The following MED12L variants were observed in gnomAD, a reference collection of about 807,000 sequenced individuals.
MED12L encodes the protein mediator complex subunit 12L, also known as mediator of RNA polymerase II transcription subunit 12-like protein.
MED12L carries 60 observed loss-of-function variants against 281.3 expected under a neutral mutation model. The observed-to-expected ratio is 0.21, with a 90% CI of 0.17 to 0.26. The LOEUF is 0.26. Ranked by LOEUF, MED12L falls within the 10% of genes least tolerant of loss-of-function variation. The pLI is 1.00. For missense variants in MED12L, 2,146 were observed against 2,680.9 expected, an observed-to-expected ratio of 0.80 and a Z score of 4.41; for synonymous variants, 974 against 987.2, an observed-to-expected ratio of 0.99 and a Z score of 0.25.
At chr3:151,212,487 T>TC (rs1189672685) in intron 16 of MED12L, 2 of 152,208 alleles carry the variant, frequency 1.3e-5, no homozygotes, top group Non-Finnish European at 2.9e-5. Context: ...TGTGTCTTTT[T>TC]CCCAGTCATC....
At chr3:151,118,103 A>G (rs2148748750) in intron 3 of MED12L, among the ~76,000 whole-genome samples, 1 of 151,942 alleles carries the variant, frequency 6.6e-6, no homozygotes, top group South Asian at 2.1e-4. Context: ...AAAAAAAAAA[A>G]AAAAGGAATG....
chr3:151,317,779 G>C (rs867155406), intron 16 of MED12L, among the ~76,000 whole-genome samples: 17 of 151,680 alleles, frequency 1.1e-4, no homozygotes, highest in African/African-American at 4.1e-4. Flanking sequence ...TAATTTTCTT[G>C]CTTTCAGATG....
At chr3:151,193,965 CTTTTTTTTT>C (rs34461662) in intron 16 of MED12L, among the ~76,000 whole-genome samples, 1 of 123,510 alleles carries the variant, frequency 8.1e-6, no homozygotes, top group Non-Finnish European at 1.6e-5. Flanking sequence ...TTTTTCTTTT[CTTTTTTTTT>C]TTTTTTTTGA....
Position 151,430,191 on chromosome 3 carries a change from G to A in MED12L, c.6409-108G>A, listed in dbSNP as rs113777357. 2.7e-6 allele frequency: 4 copies of A among 1,481,574 alleles called. No homozygotes were observed. In the African/African-American group the frequency reaches 5.6e-5, roughly 21 times the overall value. 91.8% of individuals were successfully genotyped at this position (1,481,574 alleles called of 1,614,324 possible). On this transcript the variant is annotated intron_variant, in intron 43 of 44. Coordinates refer to ENST00000687756, the MANE Select transcript of MED12L (RefSeq NM_001393769.1). ...ACAGTTGTCATAGCCCTTTTTTCGT[G>A]AAGTGTTGAGAAGTACCTTACAGAC...
rs938170180 is a variant in MED12L, at chr3:151,165,330, A to T, written c.1258-90A>T. On this transcript the variant is annotated intron_variant, in intron 9 of 44. Coordinates refer to ENST00000687756, the MANE Select transcript of MED12L (RefSeq NM_001393769.1). The stretch of plus-strand genomic sequence containing the variant: ...AGTCAAGATTGTAGTTCACTATAGG[A>T]TACTTTACTCACGTGGAAAAACCTG... The T allele has an allele frequency of 2.9e-5, 27 of 931,748 alleles. No individual in the cohort carries two copies. In the African/African-American group the frequency reaches 3.6e-4, roughly 12 times the overall value. 57.7% of individuals were successfully genotyped at this position (931,748 alleles called of 1,614,324 possible). A position where few individuals can be genotyped will look rare whatever the true frequency, so the allele number is the denominator to read the frequency against.
At chr3:151,349,548 C>T (rs1752968273) in intron 16 of MED12L, among the ~76,000 whole-genome samples, 1 of 152,092 alleles carries the variant, frequency 6.6e-6, no homozygotes, top group African/African-American at 2.4e-5. Context: ...CCTCCCAAAG[C>T]ACTGGGATTA....
In MED12L at chr3:151,127,836, T is replaced by A; in HGVS notation, c.408T>A (p.Leu136=). 1 of 1,606,302 alleles carries A rather than the reference T, an allele frequency of 6.2e-7. No individual in the cohort carries two copies. The highest frequency in any genetic ancestry group is 8.5e-7 in the Non-Finnish European group (1 of 1,173,274). Residue 136 remains leucine (L), a synonymous_variant, in exon 5 of 45, where the codon CTT becomes CTA. Coordinates refer to ENST00000687756, the MANE Select transcript of MED12L (RefSeq NM_001393769.1). ...TTGTTTCTTTTTAGGTTCCTATCCT[T>A]AGTAAAAAAGAGGATGTTTTTGCAT... ...LSILAKKVPI[L]SKKEDVFAYL... is the part of the protein sequence containing the mutation.
intron 16 of MED12L, among the ~76,000 whole-genome samples, chr3:151,265,649 G>T (rs551920966): frequency 6.6e-6 from 1 of 152,168 alleles, no homozygotes; most frequent in Non-Finnish European, 1.5e-5. Flanking sequence ...GGAGGAATCT[G>T]AGTAGGTTTT....
chr3:151,351,091 C>T (rs1753186458), intron 17 of MED12L, among the ~76,000 whole-genome samples: 2 of 152,126 alleles, frequency 1.3e-5, no homozygotes, highest in Admixed American at 1.3e-4. Flanking sequence ...CCTCTAGGAG[C>T]CCTACTGTTC....
chr3:151,253,999 G>GTTT (rs11453294), intron 16 of MED12L, among the ~76,000 whole-genome samples: 9 of 136,920 alleles, frequency 6.6e-5, no homozygotes, highest in African/African-American at 8.1e-5. Context: ...ATTTTTTCTT[G>GTTT]TTTTTTTTTT....
intron 16 of MED12L, chr3:151,197,996 T>A (rs1026988020): frequency 1.1e-4 from 17 of 153,176 alleles, no homozygotes; most frequent in Non-Finnish European, 2.2e-4. Context: ...CTGCATTTTT[T>A]AAAAGTAATC....
intron 16 of MED12L, among the ~76,000 whole-genome samples, chr3:151,267,593 T>A (rs1017768416): frequency 7.9e-5 from 12 of 152,182 alleles, no homozygotes; most frequent in African/African-American, 2.2e-4. Context: ...AACATTTTTT[T>A]AAAGCCACCT....
chr3:151,107,762 A>G (rs1480992100), intron 2 of MED12L, among the ~76,000 whole-genome samples: 1 of 152,158 alleles, frequency 6.6e-6, no homozygotes, highest in Non-Finnish European at 1.5e-5. Context: ...TGCACATTTA[A>G]TCTTATGTAA....
chr3:151,314,145 A>G (rs1048567215), intron 16 of MED12L, among the ~76,000 whole-genome samples: 1 of 152,222 alleles, frequency 6.6e-6, no homozygotes, highest in Non-Finnish European at 1.5e-5. Context: ...CTATAGAATC[A>G]TTGATATAAA....
chr3:151,371,260 GGACCATTA>G (rs1358687677), intron 26 of MED12L, among the ~76,000 whole-genome samples: 4 of 152,048 alleles, frequency 2.6e-5, no homozygotes, highest in Admixed American at 2.0e-4. Context: ...TAGGGAGATG[GGACCATTA>G]TATCAAATTT....
chr3:151,229,844 T>C (rs1731280654), intron 16 of MED12L, among the ~76,000 whole-genome samples: 2 of 152,222 alleles, frequency 1.3e-5, no homozygotes, highest in Non-Finnish European at 2.9e-5. Flanking sequence ...GTTGCAAACT[T>C]AGTAGGACTT....
At chr3:151,316,414 A>T (rs186956246) in intron 16 of MED12L, 29 of 152,336 alleles carry the variant, frequency 1.9e-4, no homozygotes, top group Admixed American at 9.8e-4. Context: ...CCTGAGCTGG[A>T]AACAGTTGAA....
chr3:151,307,401 A>G (rs934729738), intron 16 of MED12L, among the ~76,000 whole-genome samples: 2 of 152,186 alleles, frequency 1.3e-5, no homozygotes, highest in Non-Finnish European at 2.9e-5. Context: ...GCAGCCCTTC[A>G]TTCAGGTTTT....
rs114292039 is a variant in MED12L at position 151,393,368 on chromosome 3, A to G, written c.5609-1288A>G. ...ATTTTACATATGAAAGAAGCAGGTT[A>G]AAGGTTTAGTCAATTACGGTGTTGA... On this transcript the variant is annotated intron_variant, in intron 38 of 44. Coordinates refer to ENST00000687756, the MANE Select transcript of MED12L (RefSeq NM_001393769.1). Among the ~76,000 whole-genome samples, 577 of 152,312 alleles carry G rather than the reference A, an allele frequency of 3.8e-3. 3 individuals carry two copies. The highest frequency in any genetic ancestry group is 3.6e-3 in the Non-Finnish European group (247 of 68,022).
Sources: gnomAD v4.1 joint callset for allele counts (sites outside exome capture counted in the v4.1 genomes callset) on GRCh38, gnomAD v4.1.1 for gene constraint, MANE v1.5 for transcripts, NCBI Gene and HGNC (gene_info 2026-07-23, HGNC 2026-07-21) for gene names.